Variants in SLC39A11 observed in about 807,000 individuals in gnomAD.
SLC39A11 encodes the protein solute carrier family 39 member 11.
In SLC39A11, 33 loss-of-function variants were observed where a neutral mutation model predicts 36.1. The observed-to-expected ratio is 0.91, with a 90% CI of 0.69 to 1.22. The LOEUF is 1.22. Ranked by LOEUF, SLC39A11 falls within the 50% of genes most tolerant of loss-of-function variation. SLC39A11 has a pLI of 0.00. For synonymous variants in SLC39A11, 166 were observed against 170.3 expected (o/e 0.97, Z 0.20); for missense variants, 432 against 430.3 (o/e 1.00, Z -0.03).
chr17:72,832,033 T>C (rs2078307481), intron 6 of SLC39A11, among the ~76,000 whole-genome samples: 1 of 152,198 alleles, frequency 6.6e-6, no homozygotes, highest in Admixed American at 6.5e-5. Flanking sequence ...TCTAGTAAAC[T>C]GCAAGATGTT....
At chr17:72,987,521 G>A (rs770325989) in intron 4 of SLC39A11, among the ~76,000 whole-genome samples, 2 of 152,200 alleles carry the variant, frequency 1.3e-5, no homozygotes, top group Non-Finnish European at 2.9e-5. Flanking sequence ...AAATCAGTAA[G>A]AGGTACCCTG....
rs1447861997 is a variant in SLC39A11, at chr17:72,646,856, C to T, written c.*728G>A. ...GACAGCAGAGGCCTCCGAACAAACCCACACTCTGTCTGTCTCTTCTTTCCA... is the reference window on the plus strand; with the variant it reads ...GACAGCAGAGGCCTCCGAACAAACCTACACTCTGTCTGTCTCTTCTTTCCA... On this transcript the variant is annotated 3_prime_UTR_variant, in exon 10 of 10. Coordinates refer to ENST00000255559, the MANE Select transcript of SLC39A11 (RefSeq NM_139177.4). 6.6e-6 allele frequency: 1 copy of T among 152,210 alleles called. No homozygotes were observed. The highest frequency in any genetic ancestry group is 1.9e-4 in the East Asian group (1 of 5,188). 9.4% of individuals were successfully genotyped at this position (152,210 alleles called of 1,614,324 possible).
chr17:72,933,608 C>T (rs1032115546), intron 5 of SLC39A11, among the ~76,000 whole-genome samples: 1 of 152,120 alleles, frequency 6.6e-6, no homozygotes, highest in Non-Finnish European at 1.5e-5. Flanking sequence ...CAACCTCCGC[C>T]TCCCGGGTTC....
chr17:72,802,285 T>G (rs2077112102), intron 6 of SLC39A11, among the ~76,000 whole-genome samples: 1 of 152,032 alleles, frequency 6.6e-6, no homozygotes, highest in African/African-American at 2.4e-5. Flanking sequence ...AGGGATGAAC[T>G]TTGTCTTGAA....
intron 7 of SLC39A11, among the ~76,000 whole-genome samples, chr17:72,714,542 C>T (rs964063725): frequency 1.3e-5 from 2 of 152,168 alleles, no homozygotes; most frequent in African/African-American, 4.8e-5. Context: ...TGTCAACATC[C>T]ACCTCCTGCT....
intron 3 of SLC39A11, among the ~76,000 whole-genome samples, chr17:73,057,490 C>A (rs1439261781): frequency 6.6e-6 from 1 of 152,228 alleles, no homozygotes; most frequent in Admixed American, 6.5e-5. Flanking sequence ...ACCTTCCAAT[C>A]TTAAAAACAA....
At chr17:72,901,388 G>T (rs1233234272) in intron 5 of SLC39A11, among the ~76,000 whole-genome samples, 1 of 152,164 alleles carries the variant, frequency 6.6e-6, no homozygotes, top group Non-Finnish European at 1.5e-5. Context: ...TGGAAGGCAG[G>T]GACTGGCAAC....
At chr17:72,729,287 A>G (rs1397377818) in intron 7 of SLC39A11, among the ~76,000 whole-genome samples, 1 of 146,854 alleles carries the variant, frequency 6.8e-6, no homozygotes, top group Non-Finnish European at 1.5e-5. Flanking sequence ...CCCAGGATGG[A>G]GTGCAGTGGC....
intron 6 of SLC39A11, among the ~76,000 whole-genome samples, chr17:72,838,882 C>G (rs183663618): frequency 6.6e-6 from 1 of 152,202 alleles, no homozygotes; most frequent in Non-Finnish European, 1.5e-5. Flanking sequence ...GCAGTGGAGG[C>G]AGGCAGGGGA....
intron 3 of SLC39A11, among the ~76,000 whole-genome samples, chr17:73,062,475 A>AAAACAAAAAAAAAAAAAAAAAAC (rs1555698616): frequency 1.1e-5 from 1 of 87,034 alleles, no homozygotes; most frequent in African/African-American, 4.6e-5. Flanking sequence ...AAAAAAAAAA[A>AAAACAAAAAAAAAAAAAAAAAAC]AAACTTTAGG....
Position 72,746,788 on chromosome 17 carries a change from T to C in SLC39A11, c.602-10069A>G, listed in dbSNP as rs750142720. On this transcript the variant is annotated intron_variant, in intron 6 of 9. Transcript: ENST00000255559. ...TTAGCTGGGTGTGCTGGTGTGCACC[T>C]GTAGTCCCAGCTACTAGGGAGGATG... 4.6e-5 allele frequency among the ~76,000 whole-genome samples: 7 copies of C among 151,874 alleles called. No individual in the cohort carries two copies. In the South Asian group the frequency reaches 1.0e-3, roughly 23 times the overall value.
intron 7 of SLC39A11, among the ~76,000 whole-genome samples, chr17:72,726,321 T>A (rs1031173192): frequency 6.6e-6 from 1 of 152,130 alleles, no homozygotes; most frequent in African/African-American, 2.4e-5. Flanking sequence ...AACAATGAAG[T>A]CTCCTTTGTA....
intron 4 of SLC39A11, among the ~76,000 whole-genome samples, chr17:72,961,924 C>T (rs368062604): frequency 2.4e-4 from 37 of 152,230 alleles, no homozygotes; most frequent in African/African-American, 8.7e-4. Context: ...CAAATGGTAC[C>T]TAACTTACTT....
chr17:73,078,974 ACT>A (rs1374654750), intron 3 of SLC39A11, among the ~76,000 whole-genome samples: 2 of 151,588 alleles, frequency 1.3e-5, no homozygotes, highest in South Asian at 2.1e-4. Flanking sequence ...CCATAAGCAA[ACT>A]CTTTTTCAAA....
chr17:72,828,770 GCTGCTGGAGCAGGACCTGTGCTGTCA>G (rs2078140634), intron 6 of SLC39A11, among the ~76,000 whole-genome samples: 2 of 152,088 alleles, frequency 1.3e-5, no homozygotes, highest in Non-Finnish European at 2.9e-5. Flanking sequence ...TGGTCCAGGT[GCTGCTGGAGCAGGACCTGTGCTGTCA>G]CTGCTCTCTG....
chr17:72,899,534 T>C (rs1476986983), intron 5 of SLC39A11, among the ~76,000 whole-genome samples: 1 of 152,142 alleles, frequency 6.6e-6, no homozygotes, highest in Non-Finnish European at 1.5e-5. Flanking sequence ...AACACCACAA[T>C]TCCTCTCCGG....
At chr17:72,742,677 C>T (rs1238871427) in intron 6 of SLC39A11, among the ~76,000 whole-genome samples, 2 of 152,126 alleles carry the variant, frequency 1.3e-5, no homozygotes, top group Non-Finnish European at 2.9e-5. Flanking sequence ...TTTGTGTACA[C>T]ATTTAATTTT....
intron 4 of SLC39A11, among the ~76,000 whole-genome samples, chr17:73,006,603 C>T (rs552859540): frequency 6.6e-5 from 10 of 152,074 alleles, no homozygotes; most frequent in Non-Finnish European, 1.5e-4. Context: ...ATTCTTCAGA[C>T]AATAAGTACC....
intron 7 of SLC39A11, among the ~76,000 whole-genome samples, chr17:72,730,810 C>T (rs1413334911): frequency 6.6e-6 from 1 of 152,164 alleles, no homozygotes; most frequent in Non-Finnish European, 1.5e-5. Flanking sequence ...CAGATGCACA[C>T]CATGATGCCT....
Sources: gnomAD v4.1 joint callset for allele counts (sites outside exome capture counted in the v4.1 genomes callset) on GRCh38, gnomAD v4.1.1 for gene constraint, MANE v1.5 for transcripts, NCBI Gene and HGNC (gene_info 2026-07-23, HGNC 2026-07-21) for gene names.